ERCC6: variants seen among roughly 807,000 people sequenced by gnomAD.
ERCC6 encodes ERCC excision repair 6, chromatin remodeling factor.
In ERCC6, 116 loss-of-function variants were observed where a neutral mutation model predicts 158.7. The observed-to-expected ratio is 0.73, with a 90% CI of 0.63 to 0.85. The LOEUF is 0.85. ERCC6 is among the 40% of genes least tolerant of loss of function. ERCC6 has a pLI of 0.00. For missense variants in ERCC6, 1,698 were observed against 1,799.4 expected, an observed-to-expected ratio of 0.94 and a Z score of 1.02; for synonymous variants, 678 against 659.3, an observed-to-expected ratio of 1.03 and a Z score of -0.43.
chr10:49,469,800 C>T (rs1034991782), intron 18 of ERCC6, among the ~76,000 whole-genome samples: 3 of 152,178 alleles, frequency 2.0e-5, no homozygotes, highest in Non-Finnish European at 4.4e-5. Flanking sequence ...ATGTCTGTCT[C>T]TAGCCACACG....
chr10:49,470,700 C>T lies in ERCC6; in HGVS notation c.3260G>A (p.Arg1087Gln), dbSNP rs767788819. 20 of 1,614,070 alleles carry T rather than the reference C, an allele frequency of 1.2e-5. No homozygotes were observed. Among genetic ancestry groups the T allele is most frequent in the East Asian group, 4.5e-5 (2 of 44,878 alleles). Residue 1087 changes from arginine to glutamine, a missense_variant, in exon 18 of 21, where the codon CGA becomes CAA. Transcript: ENST00000355832. The part of the protein sequence containing the change: ...GAEVNAVTSN[R>Q]SDPLKDDPHM... ...AGGGTCATCTTTCAAAGGATCACTT[C>T]GATTAGAAGTTACTGCATTTACTTC...
chr10:49,465,187 C>T (rs759499654), intron 18 of ERCC6, among the ~76,000 whole-genome samples: 4 of 152,200 alleles, frequency 2.6e-5, no homozygotes, highest in Non-Finnish European at 5.9e-5. Context: ...GACCTGGATG[C>T]GAGACAAGGA....
chr10:49,515,834 A>C, intron 5 of ERCC6: 1 of 1,614,216 alleles, frequency 6.2e-7, no homozygotes, highest in Non-Finnish European at 8.5e-7. Flanking sequence ...GGGGATGGAT[A>C]CCAGCACCAG....
intron 10 of ERCC6, among the ~76,000 whole-genome samples, chr10:49,481,254 T>C (rs1451497674): frequency 6.6e-6 from 1 of 152,204 alleles, no homozygotes; most frequent in Non-Finnish European, 1.5e-5. Flanking sequence ...CTGGGTGAAG[T>C]GTTAAGAAGG....
chr10:49,438,337 A>T, the ERCC6 span, among the ~76,000 whole-genome samples: 7 of 152,202 alleles, frequency 4.6e-5, no homozygotes, highest in African/African-American at 1.4e-4. Context: ...TCATGGTGGG[A>T]GGCAAAAGGC....
At chr10:49,482,539 ATT>A (rs571372686) in intron 10 of ERCC6, 146 bp downstream of exon 10, 5,177 of 463,482 alleles carry the variant, frequency 0.011, no homozygotes, top group East Asian at 0.012. Flanking sequence ...TAATTTTGTG[ATT>A]TTTTTTTTTT....
At chr10:49,530,936 C>T (rs1179515966) in intron 2 of ERCC6, 96 bp from the exon 3 acceptor site, 2 of 1,511,618 alleles carry the variant, frequency 1.3e-6, no homozygotes, top group Non-Finnish European at 1.8e-6. Context: ...CCTTTTACTT[C>T]TTATTAACTA....
chr10:49,534,151 A>AC (rs1426850159), intron 1 of ERCC6, among the ~76,000 whole-genome samples: 26 of 151,090 alleles, frequency 1.7e-4, no homozygotes, highest in Non-Finnish European at 2.7e-4. Flanking sequence ...AAAAAAAAAA[A>AC]AAACAAAAAA....
intron 1 of ERCC6, among the ~76,000 whole-genome samples, chr10:49,538,591 C>T (rs1379151080): frequency 6.6e-6 from 1 of 152,208 alleles, no homozygotes; most frequent in Non-Finnish European, 1.5e-5. Context: ...TCTATCAACG[C>T]CCAAAACGTC....
At chr10:49,511,127 C>T (rs1439380937) in intron 5 of ERCC6, among the ~76,000 whole-genome samples, 1 of 152,004 alleles carries the variant, frequency 6.6e-6, no homozygotes, top group Non-Finnish European at 1.5e-5. Flanking sequence ...GGTTCATCAC[C>T]AGTAGGTCTC....
chr10:49,440,709 AG>A, the ERCC6 span, among the ~76,000 whole-genome samples: 1 of 152,338 alleles, frequency 6.6e-6, no homozygotes, highest in Non-Finnish European at 1.5e-5. Flanking sequence ...CAAGTCTAAA[AG>A]GGAGGTTTCA....
At chr10:49,448,612 C>T in the ERCC6 span, among the ~76,000 whole-genome samples, 1 of 152,248 alleles carries the variant, frequency 6.6e-6, no homozygotes, top group South Asian at 2.1e-4. Context: ...TAACTATTGT[C>T]CCCACTTATG....
At chr10:49,520,667 G>T (rs988179027) in intron 5 of ERCC6, among the ~76,000 whole-genome samples, 1 of 152,026 alleles carries the variant, frequency 6.6e-6, no homozygotes, top group African/African-American at 2.4e-5. Flanking sequence ...CATCACTAAG[G>T]AACTGCACAC....
chr10:49,494,038 C>T (rs969982839), intron 7 of ERCC6, among the ~76,000 whole-genome samples: 5 of 152,214 alleles, frequency 3.3e-5, no homozygotes, highest in African/African-American at 9.6e-5. Context: ...GGGATACACA[C>T]TGGAGCATTC....
chr10:49,498,840 T>C (rs565501573), intron 7 of ERCC6, among the ~76,000 whole-genome samples: 67 of 151,950 alleles, frequency 4.4e-4, no homozygotes, highest in Non-Finnish European at 7.4e-4. Flanking sequence ...GTGATGATAA[T>C]AGGAAGGGAA....
In ERCC6 at chr10:49,524,154, AGTC is replaced by A. The variant is rs375008842; in HGVS notation, c.1273_1275del (p.Asp425del). ...GCTTCTTCCCCAGAACTTGGGAAAA[AGTC>A]ATCATCAATCTCCTGCACTGGCACT... On this transcript the variant is annotated inframe_deletion, in exon 5 of 21. Transcript: ENST00000355832. 17 of 1,614,002 alleles carry A rather than the reference AGTC, an allele frequency of 1.1e-5. 1 individual carries two copies. In the African/African-American group the frequency reaches 1.7e-4, roughly 16 times the overall value.
intron 2 of ERCC6, among the ~76,000 whole-genome samples, chr10:49,531,813 C>T (rs1445751089): frequency 6.6e-6 from 1 of 152,170 alleles, no homozygotes. Flanking sequence ...TCCTCCATCC[C>T]GTTCAGCCCT....
chr10:49,518,766 A>T (rs566229285), intron 5 of ERCC6, among the ~76,000 whole-genome samples: 57 of 152,318 alleles, frequency 3.7e-4, no homozygotes, highest in African/African-American at 1.2e-3. Flanking sequence ...CTGGCCACAG[A>T]GGCCCAGTGC....
chr10:49,520,308 TG>T (rs1205618470), intron 5 of ERCC6, among the ~76,000 whole-genome samples: 2 of 152,052 alleles, frequency 1.3e-5, no homozygotes, highest in African/African-American at 2.4e-5. Flanking sequence ...AGTCTGTGGG[TG>T]GGGAAGCTTT....
Sources: allele counts gnomAD v4.1 joint callset (sites outside exome capture counted in the v4.1 genomes callset), GRCh38; gene constraint gnomAD v4.1.1; transcripts MANE v1.5; gene names NCBI Gene and HGNC (gene_info 2026-07-23, HGNC 2026-07-21).